RAB5C: variants seen among roughly 807,000 people sequenced by gnomAD.
RAB5C encodes the protein ras-related protein Rab-5C.
In RAB5C, 4 loss-of-function variants were observed where a neutral mutation model predicts 25.2. The observed-to-expected ratio is 0.16, with a 90% CI of 0.08 to 0.36. RAB5C has a LOEUF of 0.36. Among genes scored for constraint, RAB5C ranks in the 10% least tolerant of loss-of-function variants. RAB5C has a pLI of 1.00. For synonymous variants in RAB5C, 100 were observed against 106.4 expected (o/e 0.94, Z 0.37); for missense variants, 199 against 283.8 (o/e 0.70, Z 2.15).
chr17:42,145,873 T>C (rs1408749421), intron 1 of RAB5C, among the ~76,000 whole-genome samples: 2 of 152,228 alleles, frequency 1.3e-5, no homozygotes, highest in Non-Finnish European at 2.9e-5. Context: ...AGTGACACGA[T>C]GTTGGCTCAC....
chr17:42,151,677 T>C (rs1451952112), intron 1 of RAB5C, among the ~76,000 whole-genome samples: 2 of 152,176 alleles, frequency 1.3e-5, no homozygotes, highest in Non-Finnish European at 2.9e-5. Context: ...TTACTCACTT[T>C]AACTTTCATT....
intron 1 of RAB5C, among the ~76,000 whole-genome samples, chr17:42,151,405 C>A (rs1326433869): frequency 6.6e-6 from 1 of 151,934 alleles, no homozygotes; most frequent in Non-Finnish European, 1.5e-5. Context: ...CCACTGCACT[C>A]CAGCCTAGGC....
intron 1 of RAB5C, among the ~76,000 whole-genome samples, chr17:42,146,691 G>GCC (rs2079637022): frequency 6.6e-6 from 1 of 151,660 alleles, no homozygotes; most frequent in Non-Finnish European, 1.5e-5. Flanking sequence ...GGAGGTTGCA[G>GCC]TGAGCCAAGA....
chr17:42,142,779 G>T (rs2079610737), intron 1 of RAB5C, among the ~76,000 whole-genome samples: 2 of 152,184 alleles, frequency 1.3e-5, no homozygotes, highest in South Asian at 4.1e-4. Flanking sequence ...GCTATTCAAT[G>T]ATTCAGGATC....
intron 1 of RAB5C, among the ~76,000 whole-genome samples, chr17:42,144,504 T>A (rs2079620303): frequency 6.6e-6 from 1 of 150,564 alleles, no homozygotes; most frequent in African/African-American, 2.4e-5. Context: ...AATAGACAAG[T>A]CTCTCATATA....
rs1182361596 is a variant in RAB5C at position 42,143,732 on chromosome 17, A to G, written c.-89+11161T>C. ...CAGGTCAAAGGAGGCTAAAAGAGCA[A>G]CCAATGGGCAAAGCTGAAACATTTT... is the stretch of plus-strand genomic sequence containing the variant. On this transcript the variant is annotated intron_variant, in intron 1 of 5. Transcript: ENST00000346213. Among the ~76,000 whole-genome samples the G allele has an allele frequency of 2.6e-5, 4 of 152,330 alleles. No individual in the cohort carries two copies. In the East Asian group the frequency reaches 7.7e-4, roughly 29 times the overall value.
At chr17:42,152,517 G>T (rs2079678597) in intron 1 of RAB5C, among the ~76,000 whole-genome samples, 1 of 152,156 alleles carries the variant, frequency 6.6e-6, no homozygotes, top group Non-Finnish European at 1.5e-5. Context: ...AGTGGCTCAT[G>T]CCTGTAATCC....
intron 1 of RAB5C, chr17:42,131,727 G>C (rs1027374019): frequency 2.0e-6 from 2 of 1,006,968 alleles, no homozygotes; most frequent in Non-Finnish European, 1.5e-6. Context: ...CCCGACATCT[G>C]AATCACTTGG....
Position 42,128,724 on chromosome 17 carries a change from C to A in RAB5C, c.243G>T (p.Glu81Asp). The A allele has an allele frequency of 6.3e-7, 1 of 1,587,526 alleles. No homozygotes were observed. The highest frequency in any genetic ancestry group is 8.6e-7 in the Non-Finnish European group (1 of 1,167,544). Reference protein sequence around the residue: ...KFEIWDTAGQERYHSLAPMYY... With the variant: ...KFEIWDTAGQDRYHSLAPMYY... ...ACATGGGGGCCAGGCTGTGATACCG[C>A]TCCTGTCCAGCTGTGTCCCAGATCT... The change falls in exon 3 of 6, where the codon GAG (glutamate) becomes GAT (aspartate). Residue 81 changes from glutamate (E) to aspartate (D), a missense_variant. By Grantham distance (45) the Glu-to-Asp change is conservative. This residue lies in a region of RAB5C where 154 missense variants were observed against 199.6 expected (regional missense o/e 0.77). Coordinates refer to ENST00000346213, the MANE Select transcript of RAB5C (RefSeq NM_004583.4).
chr17:42,147,453 A>T (rs1424003109), intron 1 of RAB5C, among the ~76,000 whole-genome samples: 1 of 152,230 alleles, frequency 6.6e-6, no homozygotes, highest in African/African-American at 2.4e-5. Context: ...ACACAACTGC[A>T]GAAGCACGGT....
chr17:42,141,852 G>C (rs923183015), intron 1 of RAB5C, among the ~76,000 whole-genome samples: 1 of 152,136 alleles, frequency 6.6e-6, no homozygotes, highest in Non-Finnish European at 1.5e-5. Flanking sequence ...TTCTGTAGCA[G>C]GGGAGCCCCT....
chr17:42,131,748 C>T, intron 1 of RAB5C: 2 of 785,826 alleles, frequency 2.5e-6, no homozygotes, highest in Non-Finnish European at 4.0e-6. Flanking sequence ...TTAGTGACAG[C>T]TTCAGAGGCT....
At chr17:42,152,779 CAAA>C (rs142043898) in intron 1 of RAB5C, among the ~76,000 whole-genome samples, 4 of 117,906 alleles carry the variant, frequency 3.4e-5, no homozygotes, top group Admixed American at 8.8e-5. Flanking sequence ...GCTCTGTCTC[CAAA>C]AAAAAAAAAA....
chr17:42,128,532 C>T, intron 3 of RAB5C, 117 bp downstream of exon 3: 5 of 413,188 alleles, frequency 1.2e-5, no homozygotes, highest in Non-Finnish European at 1.7e-5. Flanking sequence ...AGGAAATCTG[C>T]CCACCCCCCA....
Position 42,125,801 on chromosome 17 carries a change from G to A in RAB5C, c.633C>T (p.Ser211=). The A allele has an allele frequency of 6.2e-7, 1 of 1,606,392 alleles. No homozygotes were observed. The highest frequency in any genetic ancestry group is 1.1e-5 in the South Asian group (1 of 89,588). Residue 211 remains serine (S), a synonymous_variant, in exon 6 of 6, where the codon AGC becomes AGT. Transcript: ENST00000346213. ...DLQENNPASR[S]QCCSN Reference sequence around the variant, plus strand: ...GGGGGGCTCAGTTGCTGCAGCACTGGCTCCGGCTGGCTGGGTTGTTCTCCT... The same window carrying A: ...GGGGGGCTCAGTTGCTGCAGCACTGACTCCGGCTGGCTGGGTTGTTCTCCT...
At chr17:42,130,074 G>A in intron 2 of RAB5C, 1 of 465,370 alleles carries the variant, frequency 2.1e-6, no homozygotes, top group East Asian at 3.8e-5. Flanking sequence ...CCTCAGCCAA[G>A]GCCACACAGA....
chr17:42,150,380 C>T (rs1200125155), intron 1 of RAB5C, among the ~76,000 whole-genome samples: 2 of 150,746 alleles, frequency 1.3e-5, no homozygotes, highest in Non-Finnish European at 3.0e-5. Flanking sequence ...CCTGTCTCTA[C>T]TAAAAGTACA....
In RAB5C at chr17:42,154,009, G is replaced by A. The variant is rs1285950808; in HGVS notation, c.-89+884C>T. On this transcript the variant is annotated intron_variant, in intron 1 of 5. Coordinates refer to ENST00000346213, the MANE Select transcript of RAB5C (RefSeq NM_004583.4). ...GGAAAGAGATGGCCCTTCAATTCCA[G>A]ACTCCTCATTTTGGGTCTTATTCTC... 2.0e-5 allele frequency among the ~76,000 whole-genome samples: 3 copies of A among 152,148 alleles called. No homozygotes were observed. In the East Asian group the frequency reaches 5.8e-4, roughly 29 times the overall value.
intron 1 of RAB5C, among the ~76,000 whole-genome samples, chr17:42,135,242 AG>A (rs1287168297): frequency 6.7e-6 from 1 of 150,354 alleles, no homozygotes; most frequent in Non-Finnish European, 1.5e-5. Context: ...CTGGGATTAC[AG>A]GTGTGAGCCA....
Sources: gnomAD v4.1 joint callset for allele counts (sites outside exome capture counted in the v4.1 genomes callset) on GRCh38, gnomAD v4.1.1 for gene constraint, gnomAD v4.1.1 regional missense constraint, MANE v1.5 for transcripts, NCBI Gene and HGNC (gene_info 2026-07-23, HGNC 2026-07-21) for gene names.